VAC14: variants seen among roughly 807,000 people sequenced by gnomAD.
The protein encoded by VAC14 is VAC14 component of PIKFYVE complex, also known as protein VAC14 homolog.
In VAC14, 47 loss-of-function variants were observed where a neutral mutation model predicts 85.3. That is an observed-to-expected ratio of 0.55 (90% CI 0.44 to 0.70). VAC14 has a LOEUF of 0.70. Among genes scored for constraint, VAC14 ranks in the 30% least tolerant of loss-of-function variants. VAC14 has a pLI of 0.00. For missense variants in VAC14, 861 were observed against 1,004.3 expected, an observed-to-expected ratio of 0.86 and a Z score of 1.93; for synonymous variants, 447 against 430.5, an observed-to-expected ratio of 1.04 and a Z score of -0.47.
chr16:70,695,450 G>T, intron 17 of VAC14, 94 bp downstream of exon 17: 1 of 1,336,400 alleles, frequency 7.5e-7, no homozygotes, highest in Non-Finnish European at 1.1e-6. Flanking sequence ...TCCCTCCCCA[G>T]CCAAAAGAGA....
chr16:70,743,838 T>C (rs1475269137), intron 13 of VAC14, among the ~76,000 whole-genome samples: 1 of 152,132 alleles, frequency 6.6e-6, no homozygotes, highest in Non-Finnish European at 1.5e-5. Context: ...CAGGACTGCA[T>C]TGCCAGAGGG....
intron 18 of VAC14, chr16:70,690,140 G>A (rs1423581709): frequency 2.0e-6 from 2 of 985,620 alleles, no homozygotes; most frequent in African/African-American, 3.5e-5. Context: ...GGGTTGGTCG[G>A]GGTGGGAAGA....
intron 14 of VAC14, among the ~76,000 whole-genome samples, chr16:70,729,831 T>C (rs908529536): frequency 2.0e-5 from 3 of 151,856 alleles, no homozygotes; most frequent in African/African-American, 7.3e-5. Context: ...ATCTGTTGAA[T>C]GAATGAATGA....
rs142446813 is a variant in VAC14 at position 70,781,921 on chromosome 16, G to A, written c.894C>T (p.Ser298=). Reference sequence around the variant, plus strand: ...AGGGCAAGACAGCAGTCAGGATCCCGGAGGAGTAAGGCAGCATGACGCGGC... The same window carrying A: ...AGGGCAAGACAGCAGTCAGGATCCCAGAGGAGTAAGGCAGCATGACGCGGC... ...LAGRVMLPYS[S]GILTAVLPCL... Residue 298 remains serine (S), a synonymous_variant, in exon 8 of 19, where the codon TCC becomes TCT. Transcript: ENST00000261776. 36 of 1,614,024 alleles carry A rather than the reference G, an allele frequency of 2.2e-5. No individual in the cohort carries two copies. Among genetic ancestry groups the A allele is most frequent in the Admixed American group, 1.0e-4 (6 of 60,010 alleles).
At chr16:70,798,308 T>C (rs754143193) in intron 1 of VAC14, among the ~76,000 whole-genome samples, 11 of 152,194 alleles carry the variant, frequency 7.2e-5, no homozygotes, top group African/African-American at 1.7e-4. Flanking sequence ...TTACACTACA[T>C]AGATAACTGC....
At chr16:70,758,364 T>C (rs1192148766) in intron 12 of VAC14, among the ~76,000 whole-genome samples, 1 of 152,022 alleles carries the variant, frequency 6.6e-6, no homozygotes, top group African/African-American at 2.4e-5. Context: ...TTGGCCAGGG[T>C]CCCCGGTAAG....
chr16:70,772,084 C>T (rs762547539), intron 10 of VAC14, 25 bp downstream of exon 10: 1 of 1,612,622 alleles, frequency 6.2e-7, no homozygotes. Context: ...TTCCACAAAC[C>T]TTCTGGCTGA....
chr16:70,787,763 G>A (rs551229392), intron 1 of VAC14, among the ~76,000 whole-genome samples: 1 of 152,324 alleles, frequency 6.6e-6, no homozygotes, highest in East Asian at 1.9e-4. Flanking sequence ...AGGTGAGGAT[G>A]CGGAAGTAGC....
chr16:70,783,282 TG>T, intron 6 of VAC14, 143 bp from the exon 7 acceptor site: 1 of 1,036,212 alleles, frequency 9.7e-7, no homozygotes, highest in Non-Finnish European at 1.4e-6. Flanking sequence ...TTTCAGATGC[TG>T]GGGGTTGATG....
chr16:70,693,577 G>A (rs757073094), intron 17 of VAC14, among the ~76,000 whole-genome samples: 1 of 152,196 alleles, frequency 6.6e-6, no homozygotes, highest in Non-Finnish European at 1.5e-5. Flanking sequence ...CACCACCCTG[G>A]CGGGGGAAAG....
At chr16:70,798,277 G>C (rs115304260) in intron 1 of VAC14, among the ~76,000 whole-genome samples, 1,732 of 152,204 alleles carry the variant, frequency 0.011, 31 homozygotes, top group African/African-American at 0.04. Flanking sequence ...TTTCATTTAG[G>C]GAGCACATGA....
intron 10 of VAC14, among the ~76,000 whole-genome samples, chr16:70,767,323 T>A (rs979893337): frequency 6.6e-6 from 1 of 152,106 alleles, no homozygotes. Context: ...TCGGGTTACA[T>A]CTCTAATCAA....
chr16:70,742,228 G>A (rs1246939639), intron 13 of VAC14, among the ~76,000 whole-genome samples: 1 of 152,110 alleles, frequency 6.6e-6, no homozygotes, highest in East Asian at 1.9e-4. Context: ...GGGAGGGAGA[G>A]CCGAGGGTGC....
chr16:70,695,664 A>G, intron 16 of VAC14, 41 bp from the exon 17 acceptor site: 1 of 1,593,580 alleles, frequency 6.3e-7, no homozygotes, highest in South Asian at 1.1e-5. Flanking sequence ...CTGGGCCAGC[A>G]CAGCCGCAGC....
intron 10 of VAC14, chr16:70,768,294 T>C (rs1197816934): frequency 6.4e-6 from 1 of 157,236 alleles, no homozygotes; most frequent in Admixed American, 6.1e-5. Context: ...ATCACGCTAC[T>C]TGACCAAGGC....
intron 14 of VAC14, among the ~76,000 whole-genome samples, chr16:70,702,481 G>A (rs2053848223): frequency 6.6e-6 from 1 of 152,124 alleles, no homozygotes; most frequent in Non-Finnish European, 1.5e-5. Context: ...AACCACCCTT[G>A]CTCCAGGAGG....
At chr16:70,746,336 C>T (rs1247442290) in intron 12 of VAC14, among the ~76,000 whole-genome samples, 1 of 152,214 alleles carries the variant, frequency 6.6e-6, no homozygotes, top group Non-Finnish European at 1.5e-5. Flanking sequence ...TCCTACTGTC[C>T]AATTCTGTCC....
At chr16:70,691,376 G>A in intron 18 of VAC14, 1 of 985,444 alleles carries the variant, frequency 1.0e-6, no homozygotes, top group African/African-American at 1.7e-5. Flanking sequence ...TCCCCTCCTG[G>A]GTGCCTGCCA....
In VAC14 at chr16:70,698,749, C is replaced by T. The variant is rs761690207; in HGVS notation, c.1724G>A (p.Arg575Gln). 5.0e-6 allele frequency: 8 copies of T among 1,614,202 alleles called. No individual in the cohort carries two copies. The highest frequency in any genetic ancestry group is 5.9e-6 in the Non-Finnish European group (7 of 1,180,032). ...IFHSMADILL[R>Q]EEDLKFASTM... ...CGAGGCGAACTTGAGGTCCTCCTCC[C>T]GCAGCAGGATGTCTGCCATTGAGTG... The change falls in exon 15 of 19, where the codon CGG (arginine) becomes CAG (glutamine). Residue 575 changes from arginine to glutamine, a missense_variant. Arg to Gln is a conservative substitution (Grantham distance 43). This residue lies in a region of VAC14 where 69 missense variants were observed against 139.0 expected (regional missense o/e 0.50). Transcript: ENST00000261776.
Sources: allele counts gnomAD v4.1 joint callset (sites outside exome capture counted in the v4.1 genomes callset), GRCh38; gene constraint gnomAD v4.1.1; regional missense constraint gnomAD v4.1.1; transcripts MANE v1.5; gene names NCBI Gene and HGNC (gene_info 2026-07-23, HGNC 2026-07-21).